The following AKAP19 variants were observed in gnomAD, a reference collection of about 807,000 sequenced individuals.
The protein encoded by AKAP19 is small A-kinase anchoring protein.
chr2:190,122,154 A>C, the AKAP19 span, among the ~76,000 whole-genome samples: 1 of 152,198 alleles, frequency 6.6e-6, no homozygotes, highest in Non-Finnish European at 1.5e-5. Flanking sequence ...TTGAGCTAAG[A>C]CTGCAACCTA....
chr2:190,028,822 A>G, the AKAP19 span, among the ~76,000 whole-genome samples: 1 of 152,186 alleles, frequency 6.6e-6, no homozygotes, highest in African/African-American at 2.4e-5. Context: ...CTTTTTTCCA[A>G]AGATTCAAAA....
chr2:190,191,327 T>C, the AKAP19 span, among the ~76,000 whole-genome samples: 4 of 152,068 alleles, frequency 2.6e-5, no homozygotes, highest in South Asian at 4.1e-4. Context: ...GTATTTTCAG[T>C]AGAGACAGAG....
the AKAP19 span, among the ~76,000 whole-genome samples, chr2:189,892,405 C>T: frequency 6.6e-6 from 1 of 151,890 alleles, no homozygotes; most frequent in Admixed American, 6.6e-5. Context: ...TGGTGACTTT[C>T]GGGTGCGGTT....
chr2:189,969,406 C>T, the AKAP19 span, among the ~76,000 whole-genome samples: 1 of 152,084 alleles, frequency 6.6e-6, no homozygotes, highest in Non-Finnish European at 1.5e-5. Flanking sequence ...TGTGAACTAT[C>T]TGGTTTATGT....
chr2:190,004,601 C>A, the AKAP19 span, among the ~76,000 whole-genome samples: 2 of 149,286 alleles, frequency 1.3e-5, no homozygotes, highest in Non-Finnish European at 3.0e-5. Context: ...TTTTTGAGAG[C>A]AACATGTTTT....
At chr2:190,182,021 A>G in the AKAP19 span, among the ~76,000 whole-genome samples, 46 of 152,358 alleles carry the variant, frequency 3.0e-4, no homozygotes, top group Non-Finnish European at 5.0e-4. Context: ...AATTATAATC[A>G]TTACTTATTT....
chr2:190,176,093 T>C, the AKAP19 span, among the ~76,000 whole-genome samples: 1 of 152,356 alleles, frequency 6.6e-6, no homozygotes, highest in East Asian at 1.9e-4. The surrounding 1 kb of genome is among the most constrained non-coding windows in gnomAD (Gnocchi z 4.7). Flanking sequence ...AATTATCTTG[T>C]CTTAGGTATT....
chr2:189,901,552 G>T, the AKAP19 span, among the ~76,000 whole-genome samples: 1 of 152,026 alleles, frequency 6.6e-6, no homozygotes, highest in Non-Finnish European at 1.5e-5. Context: ...TGGCCAGGCT[G>T]GTCTCAAACT....
At chr2:190,174,691 A>G in the AKAP19 span, among the ~76,000 whole-genome samples, 3 of 152,256 alleles carry the variant, frequency 2.0e-5, no homozygotes, top group African/African-American at 7.2e-5. Flanking sequence ...TATAATATGA[A>G]ATTTGAAATA....
At chr2:190,046,004 G>C in the AKAP19 span, among the ~76,000 whole-genome samples, 2 of 152,234 alleles carry the variant, frequency 1.3e-5, no homozygotes, top group Non-Finnish European at 2.9e-5. Flanking sequence ...TGATTTCCCA[G>C]GGTCGCACAT....
chr2:190,130,870 C>T, the AKAP19 span, among the ~76,000 whole-genome samples: 3 of 152,164 alleles, frequency 2.0e-5, no homozygotes, highest in Non-Finnish European at 4.4e-5. Flanking sequence ...TCTACCCCTA[C>T]CCTACACTGG....
the AKAP19 span, among the ~76,000 whole-genome samples, chr2:189,909,821 AAT>A: frequency 1.3e-5 from 2 of 152,078 alleles, no homozygotes; most frequent in African/African-American, 4.8e-5. Flanking sequence ...AAAACATTTG[AAT>A]AGTTATTTTA....
the AKAP19 span, among the ~76,000 whole-genome samples, chr2:190,101,815 T>C: frequency 6.6e-6 from 1 of 152,102 alleles, no homozygotes; most frequent in South Asian, 2.1e-4. Context: ...AAATACATTC[T>C]GGACTTAAAT....
At chr2:190,189,155 G>A in the AKAP19 span, among the ~76,000 whole-genome samples, 522 of 152,314 alleles carry the variant, frequency 3.4e-3, 1 homozygote, top group African/African-American at 0.012. Context: ...GTCAAGGACA[G>A]GGGCAATGAG....
At chr2:189,931,691 C>G in the AKAP19 span, among the ~76,000 whole-genome samples, 2 of 152,086 alleles carry the variant, frequency 1.3e-5, no homozygotes, top group African/African-American at 4.8e-5. Flanking sequence ...ACAATCGTGG[C>G]TCACTGCAGC....
At chr2:189,902,882 T>C in the AKAP19 span, among the ~76,000 whole-genome samples, 4 of 151,880 alleles carry the variant, frequency 2.6e-5, no homozygotes, top group Non-Finnish European at 2.9e-5. Context: ...CCCCTTTCAC[T>C]GTTAAAGTGC....
At chr2:190,046,986 G>T in the AKAP19 span, among the ~76,000 whole-genome samples, 1 of 152,010 alleles carries the variant, frequency 6.6e-6, no homozygotes, top group African/African-American at 2.4e-5. Flanking sequence ...GAAAAAAAGG[G>T]CAACACACCT....
At chr2:189,948,101 G>A in the AKAP19 span, among the ~76,000 whole-genome samples, 7 of 152,126 alleles carry the variant, frequency 4.6e-5, no homozygotes, top group African/African-American at 1.2e-4. Context: ...TGTAGGCAGT[G>A]TACTAATTAC....
chr2:190,080,332 G>C, the AKAP19 span, among the ~76,000 whole-genome samples: 1 of 152,296 alleles, frequency 6.6e-6, no homozygotes, highest in South Asian at 2.1e-4. Flanking sequence ...TATTCCAGTG[G>C]GGGAGACAGA....
Sources: allele counts gnomAD v4.1 joint callset (sites outside exome capture counted in the v4.1 genomes callset), GRCh38; gene constraint gnomAD v4.1.1; non-coding constraint Gnocchi (gnomAD v3.1); transcripts MANE v1.5; gene names NCBI Gene and HGNC (gene_info 2026-07-23, HGNC 2026-07-21).